Variants in GRM5 observed in about 807,000 individuals in gnomAD.
The protein encoded by GRM5 is metabotropic glutamate receptor 5.
A neutral mutation model predicts 83.1 loss-of-function variants in GRM5; 19 were observed. That is an observed-to-expected ratio of 0.23 (90% CI 0.16 to 0.34). GRM5 has a LOEUF of 0.34. GRM5 is among the 10% of genes least tolerant of loss of function. The probability of loss-of-function intolerance (pLI) is 1.00; values close to 1 mark genes in which losing one functional copy is unlikely to be tolerated. For synonymous variants in GRM5, 675 were observed against 633.6 expected (o/e 1.07, Z -0.98); for missense variants, 1,160 against 1,588.3 (o/e 0.73, Z 4.58).
intron 7 of GRM5, among the ~76,000 whole-genome samples, chr11:88,585,071 G>A (rs977088455): frequency 2.6e-5 from 4 of 152,148 alleles, no homozygotes; most frequent in African/African-American, 9.7e-5. Context: ...AGACCTGGAG[G>A]GAAGGAGCAT....
At position 88,821,240 on chromosome 11, in the gene GRM5, T is replaced by C. The variant is rs902562213; in HGVS notation, c.911+28666A>G. On this transcript the variant is annotated intron_variant, in intron 3 of 9. Coordinates refer to ENST00000305447, the MANE Select transcript of GRM5 (RefSeq NM_001143831.3). ...AAAACAGAAAAGTGAAAGCAGAGAATTTGGGCTTATTCCATTCACTGGCCT... is the reference window on the plus strand; with the variant it reads ...AAAACAGAAAAGTGAAAGCAGAGAACTTGGGCTTATTCCATTCACTGGCCT... Among the ~76,000 whole-genome samples the C allele has an allele frequency of 5.9e-5, 9 of 151,676 alleles. 1 individual carries two copies. In the South Asian group the frequency reaches 1.2e-3, roughly 21 times the overall value.
intron 2 of GRM5, among the ~76,000 whole-genome samples, chr11:89,007,162 C>G (rs1374324255): frequency 1.3e-5 from 2 of 152,114 alleles, no homozygotes; most frequent in Non-Finnish European, 2.9e-5. Flanking sequence ...GCCACATGCC[C>G]CTATCATAGG....
At chr11:88,883,085 G>A (rs1414381058) in intron 2 of GRM5, among the ~76,000 whole-genome samples, 1 of 152,120 alleles carries the variant, frequency 6.6e-6, no homozygotes, top group African/African-American at 2.4e-5. Flanking sequence ...AACCAGTCTT[G>A]GGTATGTCTT....
At chr11:89,065,615 A>AGCCCTCCACCTGCCCACCACTT (rs1301211933) in intron 1 of GRM5, among the ~76,000 whole-genome samples, 161 bp downstream of exon 1, 2 of 152,114 alleles carry the variant, frequency 1.3e-5, no homozygotes, top group Admixed American at 6.5e-5. Flanking sequence ...TGGCTCTACC[A>AGCCCTCCACCTGCCCACCACTT]GCCCTCCACC....
intron 2 of GRM5, among the ~76,000 whole-genome samples, chr11:88,996,387 G>A (rs1940188005): frequency 1.3e-5 from 2 of 152,172 alleles, no homozygotes; most frequent in Admixed American, 6.5e-5. Context: ...TAACAATTCT[G>A]ACACTATCTA....
intron 2 of GRM5, among the ~76,000 whole-genome samples, chr11:88,870,293 C>G (rs1159142359): frequency 6.6e-6 from 1 of 151,494 alleles, no homozygotes; most frequent in Admixed American, 6.6e-5. Flanking sequence ...CTAGGCAATG[C>G]AGATAGTTTA....
At chr11:89,021,129 A>G (rs1009596268) in intron 2 of GRM5, among the ~76,000 whole-genome samples, 12 of 152,218 alleles carry the variant, frequency 7.9e-5, no homozygotes, top group Non-Finnish European at 1.6e-4. Context: ...CTGATACTCA[A>G]TATTTTGAAG....
At chr11:89,063,734 G>C (rs1486059428) in intron 1 of GRM5, 1 of 152,344 alleles carries the variant, frequency 6.6e-6, no homozygotes, top group East Asian at 1.9e-4. Flanking sequence ...AGGGGTGGTA[G>C]TTTGTATTTA....
At chr11:88,907,029 A>G (rs1303328640) in intron 2 of GRM5, among the ~76,000 whole-genome samples, 1 of 152,036 alleles carries the variant, frequency 6.6e-6, no homozygotes, top group Non-Finnish European at 1.5e-5. Flanking sequence ...CAGTTTGGCT[A>G]ACAGGGAAAG....
At chr11:88,527,001 A>G (rs948508742) in intron 8 of GRM5, among the ~76,000 whole-genome samples, 5 of 152,194 alleles carry the variant, frequency 3.3e-5, no homozygotes, top group African/African-American at 9.6e-5. Context: ...AGAGGAAAAG[A>G]ACTTAGAGAC....
At chr11:88,882,051 G>A (rs1944962448) in intron 2 of GRM5, among the ~76,000 whole-genome samples, 1 of 151,182 alleles carries the variant, frequency 6.6e-6, no homozygotes, top group South Asian at 2.1e-4. Context: ...AGACCAGCCT[G>A]GTCAACACAG....
chr11:88,997,313 G>T (rs1365072905), intron 2 of GRM5, among the ~76,000 whole-genome samples: 2 of 135,354 alleles, frequency 1.5e-5, no homozygotes, highest in Non-Finnish European at 3.1e-5. Flanking sequence ...GGCAACAAGA[G>T]TGAAACTCTG....
chr11:88,855,642 G>T (rs2135546155), intron 2 of GRM5, among the ~76,000 whole-genome samples: 1 of 151,960 alleles, frequency 6.6e-6, no homozygotes. Flanking sequence ...AGGAAACATA[G>T]CTCACTTTAA....
chr11:88,891,817 T>C (rs1252922567), intron 2 of GRM5, among the ~76,000 whole-genome samples: 1 of 152,066 alleles, frequency 6.6e-6, no homozygotes, highest in African/African-American at 2.4e-5. Flanking sequence ...CTTTGAAGAT[T>C]GTAACATTGG....
intron 2 of GRM5, among the ~76,000 whole-genome samples, chr11:88,854,074 A>ATATATG: frequency 6.7e-6 from 1 of 149,900 alleles, no homozygotes; most frequent in East Asian, 2.0e-4. Flanking sequence ...ATATATATAT[A>ATATATG]TATACACAAT....
intron 3 of GRM5, among the ~76,000 whole-genome samples, chr11:88,681,637 T>A (rs183323342): frequency 8.6e-5 from 12 of 139,484 alleles, no homozygotes; most frequent in Admixed American, 2.4e-4. Context: ...AGTGGTGTGA[T>A]CTTGGCTCAC....
intron 8 of GRM5, among the ~76,000 whole-genome samples, chr11:88,540,509 G>A (rs1942242167): frequency 6.6e-6 from 1 of 152,090 alleles, no homozygotes; most frequent in Admixed American, 6.5e-5. Flanking sequence ...TTTGATAGAT[G>A]CAGCTGCCCA....
At chr11:88,573,955 CACTT>C (rs1276301838) in intron 7 of GRM5, among the ~76,000 whole-genome samples, 3 of 152,178 alleles carry the variant, frequency 2.0e-5, no homozygotes, top group African/African-American at 7.2e-5. Flanking sequence ...AGTTTTTCAT[CACTT>C]CCATAATTCA....
chr11:88,681,653 C>A (rs752839790), intron 3 of GRM5, among the ~76,000 whole-genome samples: 1 of 133,628 alleles, frequency 7.5e-6, no homozygotes, highest in Non-Finnish European at 1.5e-5. Context: ...CTCACTGCAA[C>A]CTCCCCTCCT....
Sources: gnomAD v4.1 joint callset for allele counts (sites outside exome capture counted in the v4.1 genomes callset) on GRCh38, gnomAD v4.1.1 for gene constraint, MANE v1.5 for transcripts, NCBI Gene and HGNC (gene_info 2026-07-23, HGNC 2026-07-21) for gene names.